SIL1: variants seen among roughly 807,000 people sequenced by gnomAD.
The protein encoded by SIL1 is SIL1 nucleotide exchange factor.
In SIL1, 40 loss-of-function variants were observed where a neutral mutation model predicts 49.1. The ratio of observed to expected loss-of-function variants is 0.81; its 90% CI spans 0.63 to 1.06. SIL1 has a LOEUF of 1.06. SIL1 is among the 50% of genes least tolerant of loss of function. The probability of loss-of-function intolerance (pLI) is 0.00; values close to 1 mark genes in which losing one functional copy is unlikely to be tolerated. For synonymous variants in SIL1, 253 were observed against 250.8 expected, an observed-to-expected ratio of 1.01 and a Z score of -0.08; for missense variants, 500 against 572.6, an observed-to-expected ratio of 0.87 and a Z score of 1.29.
At chr5:139,101,723 C>T (rs1271822612) in intron 3 of SIL1, among the ~76,000 whole-genome samples, 2 of 152,160 alleles carry the variant, frequency 1.3e-5, no homozygotes, top group Non-Finnish European at 2.9e-5. Context: ...CTGGGTTAGA[C>T]ACAGGTAGGT....
intron 5 of SIL1, among the ~76,000 whole-genome samples, chr5:139,031,781 C>T (rs1453344474): frequency 1.3e-5 from 2 of 152,232 alleles, no homozygotes; most frequent in African/African-American, 4.8e-5. Context: ...TTAACTCCAT[C>T]ATCATCTTTC....
At chr5:139,032,298 C>T (rs1347631639) in intron 5 of SIL1, among the ~76,000 whole-genome samples, 1 of 152,138 alleles carries the variant, frequency 6.6e-6, no homozygotes, top group African/African-American at 2.4e-5. Context: ...GTCAAATGCT[C>T]TTTGTGTATT....
At chr5:139,010,856 C>CTCCCT (rs1376733905) in intron 7 of SIL1, among the ~76,000 whole-genome samples, 1 of 151,670 alleles carries the variant, frequency 6.6e-6, no homozygotes, top group Non-Finnish European at 1.5e-5. Flanking sequence ...AGAACCACTG[C>CTCCCT]TCCCTTCAAA....
chr5:139,055,589 ACTCTCC>A (rs747907072), intron 3 of SIL1, among the ~76,000 whole-genome samples: 1,297 of 109,944 alleles, frequency 0.012, 39 homozygotes, highest in African/African-American at 0.035. Context: ...AACATCACTG[ACTCTCC>A]CTCTCCCTCT....
chr5:139,086,108 GA>G (rs34177563), intron 3 of SIL1, among the ~76,000 whole-genome samples: 46,212 of 139,288 alleles, frequency 0.33, 7,298 homozygotes, highest in Middle Eastern at 0.42. Context: ...CGACTCTACC[GA>G]AAAAAAAAAA....
At chr5:139,177,537 C>A (rs980896088) in intron 1 of SIL1, among the ~76,000 whole-genome samples, 1 of 152,086 alleles carries the variant, frequency 6.6e-6, no homozygotes, top group Non-Finnish European at 1.5e-5. Context: ...CGCGCCCAGC[C>A]GAGAAGCTGA....
chr5:139,135,748 G>A (rs1386609293), intron 1 of SIL1, among the ~76,000 whole-genome samples: 2 of 148,996 alleles, frequency 1.3e-5, no homozygotes, highest in African/African-American at 5.0e-5. Context: ...AGCGACAAAA[G>A]TTAGTGCATC....
chr5:139,064,054 G>A (rs532688852), intron 3 of SIL1, among the ~76,000 whole-genome samples: 66 of 151,980 alleles, frequency 4.3e-4, no homozygotes, highest in African/African-American at 1.5e-3. Context: ...TTTTTTCCCC[G>A]TACCCTATCA....
chr5:139,123,847 G>A (rs1194756781), intron 2 of SIL1, among the ~76,000 whole-genome samples: 2 of 152,192 alleles, frequency 1.3e-5, no homozygotes, highest in African/African-American at 2.4e-5. Context: ...TATGTGAAAT[G>A]TTCTTATTTT....
intron 7 of SIL1, among the ~76,000 whole-genome samples, chr5:138,952,955 G>C (rs540406760): frequency 3.9e-5 from 6 of 152,362 alleles, no homozygotes; most frequent in African/African-American, 1.4e-4. Context: ...CCTTGGGCAG[G>C]TCAGGGCTCC....
intron 4 of SIL1, among the ~76,000 whole-genome samples, chr5:139,047,740 G>T (rs1769197603): frequency 6.6e-6 from 1 of 152,190 alleles, no homozygotes; most frequent in South Asian, 2.1e-4. Flanking sequence ...ACCATCAAAG[G>T]CTCACTGAGC....
chr5:138,961,683 A>G (rs766328480), intron 7 of SIL1, among the ~76,000 whole-genome samples: 1 of 151,428 alleles, frequency 6.6e-6, no homozygotes, highest in Non-Finnish European at 1.5e-5. Flanking sequence ...CTCTAGACAA[A>G]ATCTCAGCTC....
intron 7 of SIL1, among the ~76,000 whole-genome samples, chr5:138,990,004 GA>G (rs1767723564): frequency 6.6e-6 from 1 of 152,154 alleles, no homozygotes; most frequent in Non-Finnish European, 1.5e-5. Flanking sequence ...GGCTCTTTGG[GA>G]AAGGCATGCG....
At chr5:138,995,222 T>A (rs1266660628) in intron 7 of SIL1, among the ~76,000 whole-genome samples, 1 of 151,856 alleles carries the variant, frequency 6.6e-6, no homozygotes, top group Non-Finnish European at 1.5e-5. Flanking sequence ...TCAGTATAAT[T>A]GGGATATCTA....
intron 7 of SIL1, among the ~76,000 whole-genome samples, chr5:139,018,947 C>T (rs1238768445): frequency 6.6e-6 from 1 of 152,184 alleles, no homozygotes; most frequent in Non-Finnish European, 1.5e-5. Flanking sequence ...ATAGTAGAAA[C>T]TAAACTTGAA....
intron 1 of SIL1, among the ~76,000 whole-genome samples, chr5:139,166,086 G>A (rs1439489379): frequency 6.6e-6 from 1 of 152,164 alleles, no homozygotes; most frequent in East Asian, 1.9e-4. Context: ...CATGGGCCAT[G>A]GTCACTCAGG....
At chr5:139,100,938 C>G (rs1482303773) in intron 3 of SIL1, among the ~76,000 whole-genome samples, 1 of 151,804 alleles carries the variant, frequency 6.6e-6, no homozygotes, top group Non-Finnish European at 1.5e-5. Flanking sequence ...AAAAACCTAG[C>G]AGTCATCAGC....
chr5:139,190,953 C>T (rs1247858908), intron 1 of SIL1, among the ~76,000 whole-genome samples: 1 of 152,098 alleles, frequency 6.6e-6, no homozygotes, highest in African/African-American at 2.4e-5. Context: ...AACCTTAGGC[C>T]AGAGACAGTG....
chr5:139,133,483 A>C (rs916426112), intron 1 of SIL1: 3 of 152,246 alleles, frequency 2.0e-5, no homozygotes, highest in Non-Finnish European at 4.4e-5. Context: ...TGTGTAAACA[A>C]GACGTCTCTT....
Sources: gnomAD v4.1 joint callset for allele counts (sites outside exome capture counted in the v4.1 genomes callset) on GRCh38, gnomAD v4.1.1 for gene constraint, MANE v1.5 for transcripts, NCBI Gene and HGNC (gene_info 2026-07-23, HGNC 2026-07-21) for gene names.